The following LPIN2 variants were observed in gnomAD, a reference collection of about 807,000 sequenced individuals.
The protein encoded by LPIN2 is phosphatidate phosphatase LPIN2.
In LPIN2, 55 loss-of-function variants were observed where a neutral mutation model predicts 111.4. That is an observed-to-expected ratio of 0.49 (90% CI 0.40 to 0.62). The LOEUF is 0.62. Ranked by LOEUF, LPIN2 falls within the 20% of genes least tolerant of loss-of-function variation. LPIN2 has a pLI of 0.00. For synonymous variants in LPIN2, 425 were observed against 414.0 expected (o/e 1.03, Z -0.32); for missense variants, 992 against 1,112.1 (o/e 0.89, Z 1.54).
intron 2 of LPIN2, among the ~76,000 whole-genome samples, chr18:2,958,163 A>AAAAAAAAAAAAAAAAAAAAAAC (rs1568571278): frequency 7.0e-6 from 1 of 142,746 alleles, no homozygotes; most frequent in Non-Finnish European, 1.6e-5. Context: ...AAAAACAACA[A>AAAAAAAAAAAAAAAAAAAAAAC]AAAAAAAAAA....
chr18:2,939,914 G>C (rs2077345317), intron 5 of LPIN2, among the ~76,000 whole-genome samples: 1 of 152,172 alleles, frequency 6.6e-6, no homozygotes, highest in African/African-American at 2.4e-5. Context: ...AGGAAAAGCA[G>C]GCAAATTAAC....
In LPIN2 at chr18:2,920,270, T is replaced by C. The variant is rs371026663; in HGVS notation, c.*23A>G. 10 of 1,613,828 alleles carry C rather than the reference T, an allele frequency of 6.2e-6. No homozygotes were observed. The East Asian group carries it at 1.1e-4, about 18-fold the overall frequency. ...TGCTGTGGGGAGGGGGACCAAGCCCTGCCCACCCACTGAGGTGCCGCCTCA... is the reference window on the plus strand; with the variant it reads ...TGCTGTGGGGAGGGGGACCAAGCCCCGCCCACCCACTGAGGTGCCGCCTCA... On this transcript the variant is annotated 3_prime_UTR_variant, in exon 20 of 20. Transcript: ENST00000677752.
rs544317636 is a variant in LPIN2, at chr18:2,918,529, T to G, written c.*1764A>C. 1.3e-5 allele frequency: 2 copies of G among 152,182 alleles called. No homozygotes were observed. The highest frequency in any genetic ancestry group is 4.8e-5 in the African/African-American group (2 of 41,438). The allele number at this position is 152,182 out of a possible 1,614,324, so 9.4% of individuals were successfully genotyped here. On this transcript the variant is annotated 3_prime_UTR_variant, in exon 20 of 20. Coordinates refer to ENST00000677752, the MANE Select transcript of LPIN2 (RefSeq NM_001375808.2). ...AACTTCATATAAACAGAACCCAGGA[T>G]CCCTAACCTACTGTAGATAAATAAA...
intron 12 of LPIN2, 95 bp downstream of exon 12, chr18:2,927,627 A>C (rs569816876): frequency 1.5e-6 from 2 of 1,329,392 alleles, no homozygotes; most frequent in African/African-American, 2.9e-5. Flanking sequence ...AGCCCTATAC[A>C]GTCCAAATTC....
intron 1 of LPIN2, among the ~76,000 whole-genome samples, chr18:2,986,110 T>C (rs578249471): frequency 6.6e-6 from 1 of 152,332 alleles, no homozygotes; most frequent in African/African-American, 2.4e-5. Flanking sequence ...ATATGAAGTG[T>C]TTCTTCTCCT....
intron 1 of LPIN2, chr18:3,012,067 C>G (rs2078613281): frequency 6.6e-6 from 1 of 152,206 alleles, no homozygotes; most frequent in Admixed American, 6.5e-5. Context: ...ATTGTCAAAA[C>G]ATTATAATCT....
At chr18:2,921,453 T>C (rs962256502) in intron 18 of LPIN2, 80 bp downstream of exon 18, 2 of 1,045,638 alleles carry the variant, frequency 1.9e-6, no homozygotes, top group Non-Finnish European at 3.0e-6. Flanking sequence ...GCTTTGAGAA[T>C]TGGGACGTGG....
In LPIN2 at chr18:2,954,538, T is replaced by C. The variant is rs1242670886; in HGVS notation, c.254A>G (p.Glu85Gly). 1 of 1,614,034 alleles carries C rather than the reference T, an allele frequency of 6.2e-7. No homozygotes were observed. The highest frequency in any genetic ancestry group is 1.1e-5 in the South Asian group (1 of 91,084). The part of the protein sequence containing the change: ...DLHMKLGDNG[E>G]AFFVEETEEE... ...TTCAGTCTCCTCAACAAAGAAAGCTTCTCCGTTATCACCCAACTTCATGTG... is the reference window on the plus strand; with the variant it reads ...TTCAGTCTCCTCAACAAAGAAAGCTCCTCCGTTATCACCCAACTTCATGTG... Residue 85 changes from glutamate to glycine, a missense_variant, in exon 3 of 20, where the codon GAA becomes GGA. Transcript: ENST00000677752.
chr18:2,935,828 G>A (rs917573113), intron 7 of LPIN2, among the ~76,000 whole-genome samples: 1 of 152,056 alleles, frequency 6.6e-6, no homozygotes, highest in Non-Finnish European at 1.5e-5. Flanking sequence ...AGGAGAGAGG[G>A]AGGGCAAAAA....
chr18:2,958,141 C>CAAAAAAAAG (rs2077642577), intron 2 of LPIN2, among the ~76,000 whole-genome samples: 1 of 11,954 alleles, frequency 8.4e-5, no homozygotes, highest in Non-Finnish European at 2.0e-4. Context: ...GACTCCATCT[C>CAAAAAAAAG]AAAAAAAAAA....
intron 4 of LPIN2, among the ~76,000 whole-genome samples, chr18:2,948,613 C>A (rs2077490082): frequency 6.6e-6 from 1 of 152,136 alleles, no homozygotes; most frequent in Non-Finnish European, 1.5e-5. Context: ...TACTTCAGTG[C>A]TCTTTTTGGT....
intron 1 of LPIN2, among the ~76,000 whole-genome samples, chr18:2,966,494 A>T (rs1432037811): frequency 6.6e-6 from 1 of 152,206 alleles, no homozygotes; most frequent in East Asian, 1.9e-4. Flanking sequence ...CAAGGTCAGC[A>T]CACTATTAAG....
intron 15 of LPIN2, 119 bp from the exon 16 acceptor site, chr18:2,923,980 A>G: frequency 1.2e-6 from 1 of 819,922 alleles, no homozygotes. Context: ...TTGAAAGGGG[A>G]TTTAATCACA....
At chr18:2,974,711 G>C (rs2077980957) in intron 1 of LPIN2, among the ~76,000 whole-genome samples, 1 of 152,198 alleles carries the variant, frequency 6.6e-6, no homozygotes, top group Non-Finnish European at 1.5e-5. Context: ...GCCATTTTAG[G>C]CTGCGTGCGT....
At position 2,923,824 on chromosome 18, in the gene LPIN2, T is replaced by C; in HGVS notation, c.2125A>G (p.Lys709Glu). The C allele has an allele frequency of 6.2e-7, 1 of 1,614,238 alleles. No homozygotes were observed. The highest frequency in any genetic ancestry group is 8.5e-7 in the Non-Finnish European group (1 of 1,180,024). The change falls in exon 16 of 20, where the codon AAA becomes GAA. Residue 709 changes from lysine to glutamate, a missense_variant. By Grantham distance (56) the Lys-to-Glu change is moderately conservative. Coordinates refer to ENST00000677752, the MANE Select transcript of LPIN2 (RefSeq NM_001375808.2). ...ALGQILPQLG[K>E]DWTHQGIAKL... ...GCTATACCCTGGTGGGTCCAGTCTT[T>C]GCCCAGCTGTGGGAGAATCTGTCCC...
At chr18:3,012,590 C>T (rs1362458337) in intron 1 of LPIN2, among the ~76,000 whole-genome samples, 4 of 152,214 alleles carry the variant, frequency 2.6e-5, no homozygotes, top group African/African-American at 9.6e-5. Flanking sequence ...GAAACACCAG[C>T]AACTCGGCGG....
chr18:2,960,950 C>A lies in LPIN2; in HGVS notation c.-9-101G>T, dbSNP rs1436568344. 7 of 930,940 alleles carry A rather than the reference C, an allele frequency of 7.5e-6. No individual in the cohort carries two copies. The Admixed American group carries it at 1.0e-4, about 14-fold the overall frequency. 57.7% of individuals were successfully genotyped at this position (930,940 alleles called of 1,614,324 possible). A position where few individuals can be genotyped will look rare whatever the true frequency, so the allele number is the denominator to read the frequency against. On this transcript the variant is annotated intron_variant, in intron 1 of 19. Coordinates refer to ENST00000677752, the MANE Select transcript of LPIN2 (RefSeq NM_001375808.2). ...AAAAATGACACTACTCACTTGTATG[C>A]CAGATTTCATATCATTAGCCTTATT...
Position 2,951,351 on chromosome 18 carries a change from C to T in LPIN2, c.294G>A (p.Lys98=). The change falls in exon 4 of 20, where the codon AAG becomes AAA. Residue 98 remains lysine (K), a synonymous_variant. Coordinates refer to ENST00000677752, the MANE Select transcript of LPIN2 (RefSeq NM_001375808.2). The stretch of plus-strand genomic sequence containing the variant: ...GTGAGGTGGCAAGGTAAGCAGGAAG[C>T]TTTTCCTTGAGGAGAATGGAGAAAG... ...FVEETEEEYE[K]LPAYLATSPI... 1.9e-6 allele frequency: 3 copies of T among 1,613,706 alleles called. No individual in the cohort carries two copies. Among genetic ancestry groups the T allele is most frequent in the Non-Finnish European group, 2.5e-6 (3 of 1,179,884 alleles).
At chr18:2,964,282 C>CAAAAAAAA (rs56276815) in intron 1 of LPIN2, among the ~76,000 whole-genome samples, 17 of 56,776 alleles carry the variant, frequency 3.0e-4, no homozygotes, top group East Asian at 6.4e-4. Context: ...GACTCCGTCT[C>CAAAAAAAA]AAAAAAAAAA....
Sources: gnomAD v4.1 joint callset for allele counts (sites outside exome capture counted in the v4.1 genomes callset) on GRCh38, gnomAD v4.1.1 for gene constraint, MANE v1.5 for transcripts, NCBI Gene and HGNC (gene_info 2026-07-23, HGNC 2026-07-21) for gene names.